LARGE1: variants seen among roughly 807,000 people sequenced by gnomAD.
LARGE1 encodes the protein xylosyl- and glucuronyltransferase LARGE1.
In LARGE1, 43 loss-of-function variants were observed where a neutral mutation model predicts 87.6. The ratio of observed to expected loss-of-function variants is 0.49; its 90% CI spans 0.38 to 0.63. The LOEUF (loss-of-function observed/expected upper bound fraction) is 0.63. LARGE1 is among the 30% of genes least tolerant of loss of function. The probability of loss-of-function intolerance (pLI) is 0.00; values close to 1 mark genes in which losing one functional copy is unlikely to be tolerated. For missense variants in LARGE1, 802 were observed against 1,000.2 expected, an observed-to-expected ratio of 0.80 and a Z score of 2.67; for synonymous variants, 434 against 394.6, an observed-to-expected ratio of 1.10 and a Z score of -1.18.
intron 1 of LARGE1, among the ~76,000 whole-genome samples, chr22:33,764,808 A>G (rs537706744): frequency 6.6e-6 from 1 of 152,334 alleles, no homozygotes; most frequent in South Asian, 2.1e-4. Context: ...TACCGAAGGC[A>G]ATGTGAATGC....
At chr22:33,786,791 G>A (rs1411271292) in intron 1 of LARGE1, among the ~76,000 whole-genome samples, 2 of 152,196 alleles carry the variant, frequency 1.3e-5, no homozygotes, top group African/African-American at 2.4e-5. Flanking sequence ...GGAGGCCAAG[G>A]TGGGCGGATC....
At chr22:33,901,204 G>A (rs1176581278) in intron 1 of LARGE1, among the ~76,000 whole-genome samples, 1 of 152,152 alleles carries the variant, frequency 6.6e-6, no homozygotes, top group African/African-American at 2.4e-5. Flanking sequence ...AAGCTAGTGA[G>A]AACCAGAAGG....
At chr22:33,752,839 C>T (rs1007508726) in intron 2 of LARGE1, among the ~76,000 whole-genome samples, 1 of 152,218 alleles carries the variant, frequency 6.6e-6, no homozygotes, top group African/African-American at 2.4e-5. Context: ...TGTCATCTTC[C>T]ATGGCCAACA....
intron 11 of LARGE1, among the ~76,000 whole-genome samples, chr22:33,172,205 C>T (rs1401375610): frequency 3.3e-5 from 5 of 152,226 alleles, no homozygotes; most frequent in African/African-American, 1.2e-4. Context: ...AATGCCTGTA[C>T]CCCCATTGTA....
At chr22:33,453,414 C>CAA (rs550428324) in intron 6 of LARGE1, among the ~76,000 whole-genome samples, 5 of 127,554 alleles carry the variant, frequency 3.9e-5, no homozygotes, top group African/African-American at 5.8e-5. Flanking sequence ...GACTCCATCT[C>CAA]AAAAAAAAAA....
At chr22:33,335,959 A>T (rs1442622476) in intron 10 of LARGE1, among the ~76,000 whole-genome samples, 1 of 152,236 alleles carries the variant, frequency 6.6e-6, no homozygotes, top group Non-Finnish European at 1.5e-5. Context: ...TATAAACATC[A>T]TGAGATCAGG....
At chr22:33,849,659 T>A (rs929291346) in intron 1 of LARGE1, among the ~76,000 whole-genome samples, 1 of 138,370 alleles carries the variant, frequency 7.2e-6, no homozygotes, top group Non-Finnish European at 1.5e-5. Context: ...AGTGCAGTGG[T>A]GCGATCTTGG....
intron 5 of LARGE1, among the ~76,000 whole-genome samples, chr22:33,581,021 G>A (rs2078503627): frequency 6.6e-6 from 1 of 152,152 alleles, no homozygotes; most frequent in Admixed American, 6.5e-5. Context: ...AAAGTAATAA[G>A]AATGCATGTG....
chr22:33,323,019 G>A (rs947265573), intron 10 of LARGE1, among the ~76,000 whole-genome samples: 5 of 152,166 alleles, frequency 3.3e-5, no homozygotes, highest in African/African-American at 4.8e-5. Flanking sequence ...CTACTTGGGA[G>A]GCTGAGGCAG....
intron 1 of LARGE1, among the ~76,000 whole-genome samples, chr22:33,798,290 CTCAATCAATCAA>C (rs58724713): frequency 4.6e-5 from 7 of 151,678 alleles, no homozygotes; most frequent in East Asian, 1.9e-4. Context: ...AACTCTGTCT[CTCAATCAATCAA>C]TCAATCAATC....
chr22:33,441,351 G>A (rs949382068), intron 6 of LARGE1, among the ~76,000 whole-genome samples: 1 of 152,060 alleles, frequency 6.6e-6, no homozygotes, highest in African/African-American at 2.4e-5. Context: ...TGGGATTACA[G>A]ACATGAGCCA....
chr22:33,290,648 G>A (rs1026830017), intron 12 of LARGE1, among the ~76,000 whole-genome samples: 1 of 152,214 alleles, frequency 6.6e-6, no homozygotes, highest in Non-Finnish European at 1.5e-5. Context: ...TGGCAGCTGG[G>A]TTTGGCAACA....
chr22:33,086,146 C>G, the LARGE1 span, among the ~76,000 whole-genome samples: 1 of 151,874 alleles, frequency 6.6e-6, no homozygotes, highest in Non-Finnish European at 1.5e-5. Context: ...TGAAATGAAG[C>G]AATAAAGATA....
At chr22:33,811,917 G>C (rs1025733568) in intron 1 of LARGE1, among the ~76,000 whole-genome samples, 2 of 152,158 alleles carry the variant, frequency 1.3e-5, no homozygotes, top group Admixed American at 6.5e-5. Context: ...GAAAGAAAAA[G>C]ACCAGAACAC....
At chr22:33,629,970 G>A (rs967521545) in intron 3 of LARGE1, among the ~76,000 whole-genome samples, 5 of 152,124 alleles carry the variant, frequency 3.3e-5, no homozygotes, top group African/African-American at 4.8e-5. Context: ...AGGCCGAGGC[G>A]GCGGATCACC....
At chr22:33,663,548 G>A (rs2081188820) in intron 2 of LARGE1, among the ~76,000 whole-genome samples, 1 of 152,128 alleles carries the variant, frequency 6.6e-6, no homozygotes, top group Non-Finnish European at 1.5e-5. Flanking sequence ...TCCAGTACAG[G>A]ATCCCAATTT....
chr22:33,538,439 CATACATATTTCT>C, intron 6 of LARGE1, among the ~76,000 whole-genome samples: 1 of 152,286 alleles, frequency 6.6e-6, no homozygotes, highest in South Asian at 2.1e-4. Flanking sequence ...GGCATATTTC[CATACATATTTCT>C]GAGCTGAATT....
chr22:33,891,918 T>C (rs1157978676), intron 1 of LARGE1, among the ~76,000 whole-genome samples: 1 of 152,166 alleles, frequency 6.6e-6, no homozygotes, highest in Non-Finnish European at 1.5e-5. Flanking sequence ...TCTGATAGGA[T>C]CCTAGTCTAA....
chr22:33,107,790 C>T, the LARGE1 span, among the ~76,000 whole-genome samples: 1 of 152,122 alleles, frequency 6.6e-6, no homozygotes, highest in Non-Finnish European at 1.5e-5. Flanking sequence ...ATCGCTTGAG[C>T]CCAGGAGGTT....
Sources: gnomAD v4.1 joint callset for allele counts (sites outside exome capture counted in the v4.1 genomes callset) on GRCh38, gnomAD v4.1.1 for gene constraint, MANE v1.5 for transcripts, NCBI Gene and HGNC (gene_info 2026-07-23, HGNC 2026-07-21) for gene names.